The following CAPZA1 variants were observed in gnomAD, a reference collection of about 807,000 sequenced individuals.
CAPZA1 encodes F-actin-capping protein subunit alpha-1.
CAPZA1 carries 10 observed loss-of-function variants against 40.8 expected under a neutral mutation model. The ratio of observed to expected loss-of-function variants is 0.25; its 90% confidence interval spans 0.15 to 0.42. The LOEUF is 0.42. CAPZA1 is among the 10% of genes least tolerant of loss of function. The pLI is 1.00. For missense variants in CAPZA1, 277 were observed against 353.8 expected, an observed-to-expected ratio of 0.78 and a Z score of 1.74; for synonymous variants, 98 against 115.0, an observed-to-expected ratio of 0.85 and a Z score of 0.95.
chr1:112,653,594 A>AG lies in CAPZA1; in HGVS notation c.156-4_156-3insG. On this transcript the variant is annotated splice_region_variant and splice_polypyrimidine_tract_variant and intron_variant, in intron 3 of 9. Transcript: ENST00000263168. ...TTTTTTAAAAAACTTTTAAAAAAAA[A>AG]CAGTGCATTTGCCCAGTATAACATG... 6.4e-7 allele frequency: 1 copy of AG among 1,553,454 alleles called. No individual in the cohort carries two copies. The highest frequency in any genetic ancestry group is 2.3e-5 in the East Asian group (1 of 43,986).
intron 3 of CAPZA1, among the ~76,000 whole-genome samples, chr1:112,651,718 T>C (rs1488312987): frequency 6.6e-6 from 1 of 151,986 alleles, no homozygotes; most frequent in Admixed American, 6.6e-5. Context: ...TAAACTAACA[T>C]TTATTCTACT....
At chr1:112,621,752 T>C (rs1670672746) in intron 1 of CAPZA1, among the ~76,000 whole-genome samples, 1 of 144,894 alleles carries the variant, frequency 6.9e-6, no homozygotes, top group Admixed American at 7.4e-5. Flanking sequence ...ATTAATGTCT[T>C]GGGTTATGGT....
At chr1:112,635,332 T>C (rs1670994031) in intron 1 of CAPZA1, among the ~76,000 whole-genome samples, 1 of 152,142 alleles carries the variant, frequency 6.6e-6, no homozygotes, top group Admixed American at 6.5e-5. Flanking sequence ...GAGGTAAAGA[T>C]TTTTATTGAC....
chr1:112,623,832 C>T (rs371394797), intron 1 of CAPZA1, among the ~76,000 whole-genome samples: 3 of 150,784 alleles, frequency 2.0e-5, no homozygotes, highest in African/African-American at 7.3e-5. Flanking sequence ...AGTGAAACAC[C>T]GTCTCTACTA....
At chr1:112,623,219 G>T (rs1570696839) in intron 1 of CAPZA1, among the ~76,000 whole-genome samples, 1 of 152,254 alleles carries the variant, frequency 6.6e-6, no homozygotes, top group East Asian at 1.9e-4. Flanking sequence ...CCTTGATTAT[G>T]TATTACCTCC....
chr1:112,658,474 GCTT>G (rs1206818908), intron 5 of CAPZA1, among the ~76,000 whole-genome samples: 11 of 152,236 alleles, frequency 7.2e-5, no homozygotes, highest in African/African-American at 2.6e-4. Context: ...TCCTAACCAA[GCTT>G]CAGCTTTTCT....
At chr1:112,660,083 AATT>A (rs1176063109) in intron 7 of CAPZA1, among the ~76,000 whole-genome samples, 2 of 151,850 alleles carry the variant, frequency 1.3e-5, no homozygotes, top group African/African-American at 4.8e-5. Flanking sequence ...TAATAATAAT[AATT>A]ATTATTTTTT....
intron 7 of CAPZA1, among the ~76,000 whole-genome samples, chr1:112,662,593 T>A (rs1671639713): frequency 6.6e-6 from 1 of 151,794 alleles, no homozygotes; most frequent in African/African-American, 2.4e-5. Context: ...AGAGACAGGG[T>A]TTCACTGTGT....
intron 5 of CAPZA1, among the ~76,000 whole-genome samples, chr1:112,655,962 G>A (rs1449159113): frequency 6.6e-6 from 1 of 151,950 alleles, no homozygotes; most frequent in East Asian, 1.9e-4. Flanking sequence ...ATATTGATTA[G>A]AATATTTTTT....
chr1:112,628,203 T>C (rs1315848365), intron 1 of CAPZA1, among the ~76,000 whole-genome samples: 2 of 152,216 alleles, frequency 1.3e-5, no homozygotes, highest in African/African-American at 2.4e-5. Flanking sequence ...CCTAGGTATA[T>C]TGAATCAGAA....
intron 1 of CAPZA1, among the ~76,000 whole-genome samples, chr1:112,645,509 C>T (rs1317557563): frequency 3.3e-5 from 5 of 151,986 alleles, no homozygotes; most frequent in Non-Finnish European, 4.4e-5. Context: ...TGAGGCACAC[C>T]TGTAGTCTTA....
At chr1:112,639,904 G>A (rs1309388414) in intron 1 of CAPZA1, among the ~76,000 whole-genome samples, 16 of 138,996 alleles carry the variant, frequency 1.2e-4, no homozygotes, top group East Asian at 2.4e-4. Context: ...GCCCCGTCCG[G>A]GAGGGAGGTG....
At chr1:112,640,668 C>T (rs1213148697) in intron 1 of CAPZA1, among the ~76,000 whole-genome samples, 2 of 152,166 alleles carry the variant, frequency 1.3e-5, no homozygotes, top group Non-Finnish European at 2.9e-5. Flanking sequence ...CCGGCCGCCC[C>T]TGCTGGAAAG....
chr1:112,638,987 ATATATAATTATATAT>A (rs1671082407), intron 1 of CAPZA1, among the ~76,000 whole-genome samples: 1 of 143,126 alleles, frequency 7.0e-6, no homozygotes, highest in South Asian at 2.1e-4. Context: ...AATTTATATA[ATATATAATTATATAT>A]TATATAATTT....
chr1:112,638,897 C>CATAGATATAGATATAGAT (rs71084484), intron 1 of CAPZA1, among the ~76,000 whole-genome samples: 3,562 of 139,082 alleles, frequency 0.026, 117 homozygotes, highest in African/African-American at 0.07. Context: ...AGCGAGACTC[C>CATAGATATAGATATAGAT]ATAGATATAG....
intron 1 of CAPZA1, among the ~76,000 whole-genome samples, chr1:112,639,876 C>T (rs1671102259): frequency 7.4e-6 from 1 of 135,664 alleles, no homozygotes; most frequent in East Asian, 2.4e-4. Flanking sequence ...GGGGGGTCAG[C>T]CCCCCACCCG....
intron 1 of CAPZA1, among the ~76,000 whole-genome samples, chr1:112,621,763 T>TC (rs986617742): frequency 6.9e-6 from 1 of 144,908 alleles, no homozygotes; most frequent in African/African-American, 2.6e-5. Context: ...GGGTTATGGT[T>TC]TTTTTTTTTT....
chr1:112,660,678 C>G (rs1187468655), intron 7 of CAPZA1, among the ~76,000 whole-genome samples: 2 of 152,058 alleles, frequency 1.3e-5, no homozygotes, highest in East Asian at 3.8e-4. Flanking sequence ...GTTTAATATC[C>G]TAGCAGAGGT....
chr1:112,656,466 T>TTTTTTTA (rs1553180448), intron 5 of CAPZA1, among the ~76,000 whole-genome samples: 5 of 94,406 alleles, frequency 5.3e-5, no homozygotes, highest in South Asian at 4.5e-4. Context: ...TTTTTTTTTT[T>TTTTTTTA]AATGAGAATA....
Sources: gnomAD v4.1 joint callset for allele counts (sites outside exome capture counted in the v4.1 genomes callset) on GRCh38, gnomAD v4.1.1 for gene constraint, MANE v1.5 for transcripts, NCBI Gene and HGNC (gene_info 2026-07-23, HGNC 2026-07-21) for gene names.